Variants in GRM5 observed in about 807,000 individuals in gnomAD.
GRM5 encodes the protein glutamate metabotropic receptor 5.
In GRM5, 19 loss-of-function variants were observed where a neutral mutation model predicts 83.1. The ratio of observed to expected loss-of-function variants is 0.23; its 90% CI spans 0.16 to 0.34. The LOEUF (loss-of-function observed/expected upper bound fraction) is 0.34. Among genes scored for constraint, GRM5 ranks in the 10% least tolerant of loss-of-function variants. The probability of loss-of-function intolerance (pLI) is 1.00; values close to 1 mark genes in which losing one functional copy is unlikely to be tolerated. For synonymous variants in GRM5, 675 were observed against 633.6 expected (o/e 1.07, Z -0.98); for missense variants, 1,160 against 1,588.3 (o/e 0.73, Z 4.58).
In GRM5 at chr11:89,054,625, G is replaced by A. The variant is rs138666783; in HGVS notation, c.-200-6553C>T. 4.9e-3 allele frequency among the ~76,000 whole-genome samples: 753 copies of A among 152,278 alleles called. 2 individuals carry two copies. The highest frequency in any genetic ancestry group is 8.9e-3 in the Non-Finnish European group (603 of 68,026). The stretch of plus-strand genomic sequence containing the variant: ...AGAAAAGAATCTAGTGCCAGAGGTT[G>A]TGCCCCAGGGAATTCCAAGGTTCAA... On this transcript the variant is annotated intron_variant, in intron 1 of 9. Coordinates refer to ENST00000305447, the MANE Select transcript of GRM5 (RefSeq NM_001143831.3).
chr11:89,046,512 G>C (rs1422735374), intron 2 of GRM5, among the ~76,000 whole-genome samples: 4 of 151,878 alleles, frequency 2.6e-5, no homozygotes, highest in Non-Finnish European at 4.4e-5. Context: ...AAAAAACAAA[G>C]GGCTACTTAT....
At chr11:88,618,378 A>G (rs1038809079) in intron 4 of GRM5, among the ~76,000 whole-genome samples, 2 of 152,322 alleles carry the variant, frequency 1.3e-5, no homozygotes, top group African/African-American at 4.8e-5. Context: ...GACTGTTGAT[A>G]CCATCTTTCT....
chr11:88,756,878 C>A (rs1345586316), intron 3 of GRM5, among the ~76,000 whole-genome samples: 3 of 152,086 alleles, frequency 2.0e-5, no homozygotes, highest in African/African-American at 4.8e-5. Context: ...ATGTGAAGAA[C>A]AAATGGCTGA....
intron 5 of GRM5, among the ~76,000 whole-genome samples, chr11:88,600,620 A>C (rs903852905): frequency 6.6e-6 from 1 of 152,194 alleles, no homozygotes; most frequent in African/African-American, 2.4e-5. Flanking sequence ...TTTAAGGTAA[A>C]CTAGAGAAAG....
At chr11:88,970,179 A>C (rs1489400346) in intron 2 of GRM5, among the ~76,000 whole-genome samples, 1 of 152,100 alleles carries the variant, frequency 6.6e-6, no homozygotes, top group Non-Finnish European at 1.5e-5. Context: ...GTGTAACTTG[A>C]ATAAGCTTCT....
intron 2 of GRM5, among the ~76,000 whole-genome samples, chr11:89,004,798 T>G (rs1175809921): frequency 6.6e-6 from 1 of 152,206 alleles, no homozygotes; most frequent in East Asian, 1.9e-4. Flanking sequence ...TTTGATTACA[T>G]GAACTTAAAT....
At chr11:88,777,679 T>TAACA (rs1942885757) in intron 3 of GRM5, among the ~76,000 whole-genome samples, 2 of 152,346 alleles carry the variant, frequency 1.3e-5, no homozygotes, top group South Asian at 4.1e-4. Context: ...GTTTTCCTTC[T>TAACA]AACAGTCAGG....
At chr11:88,580,297 G>A (rs1169793098) in intron 7 of GRM5, among the ~76,000 whole-genome samples, 3 of 152,176 alleles carry the variant, frequency 2.0e-5, no homozygotes, top group Non-Finnish European at 4.4e-5. Context: ...ACATCAAAAT[G>A]TTTATTGTGT....
intron 4 of GRM5, among the ~76,000 whole-genome samples, chr11:88,616,494 G>C (rs1263678017): frequency 6.6e-6 from 1 of 151,030 alleles, no homozygotes; most frequent in Non-Finnish European, 1.5e-5. Flanking sequence ...AGTGGAAAAA[G>C]GGGGAAACAC....
Position 88,510,227 on chromosome 11 carries a change from T to C in GRM5, c.2727-723A>G, listed in dbSNP as rs537056782. Among the ~76,000 whole-genome samples, 45 of 152,360 alleles carry C rather than the reference T, an allele frequency of 3.0e-4. No homozygotes were observed. In the South Asian group the frequency reaches 8.9e-3, roughly 30 times the overall value. On this transcript the variant is annotated intron_variant, in intron 9 of 9. Coordinates refer to ENST00000305447, the MANE Select transcript of GRM5 (RefSeq NM_001143831.3). ...TGTACTTGAATAACAGTTCAATGAG[T>C]GAGAGTGCTGTATAATGCCTTCGGC...
chr11:88,623,025 A>C lies in GRM5; in HGVS notation c.1148-18061T>G, dbSNP rs1938683419. ...AGTGTGGGTAAGAATAGAGCCTAGC[A>C]AGCAACTGCTTGTTAAGTGTTAATT... On this transcript the variant is annotated intron_variant, in intron 4 of 9. Coordinates refer to ENST00000305447, the MANE Select transcript of GRM5 (RefSeq NM_001143831.3). 2.0e-5 allele frequency among the ~76,000 whole-genome samples: 3 copies of C among 152,148 alleles called. No individual in the cohort carries two copies. In the South Asian group the frequency reaches 6.2e-4, roughly 32 times the overall value.
intron 2 of GRM5, among the ~76,000 whole-genome samples, chr11:88,878,438 T>C (rs1260245309): frequency 6.6e-6 from 1 of 152,126 alleles, no homozygotes; most frequent in Non-Finnish European, 1.5e-5. Context: ...TAATTGTCCA[T>C]GCACACTCCT....
At chr11:88,952,656 T>C (rs1285788532) in intron 2 of GRM5, among the ~76,000 whole-genome samples, 3 of 151,882 alleles carry the variant, frequency 2.0e-5, no homozygotes, top group African/African-American at 7.3e-5. Context: ...GGAATGCTAA[T>C]GTGGAAAGTC....
chr11:88,779,275 C>T (rs1212470606), intron 3 of GRM5, among the ~76,000 whole-genome samples: 1 of 152,162 alleles, frequency 6.6e-6, no homozygotes, highest in Non-Finnish European at 1.5e-5. Flanking sequence ...CCTTTCACAG[C>T]TGTTTGGGAT....
intron 8 of GRM5, among the ~76,000 whole-genome samples, chr11:88,534,348 C>A (rs1050449224): frequency 6.6e-6 from 1 of 152,230 alleles, no homozygotes; most frequent in African/African-American, 2.4e-5. Context: ...TCTTCAAAGC[C>A]ACACAGGTGG....
chr11:88,599,414 T>A (rs906223690), intron 5 of GRM5, among the ~76,000 whole-genome samples: 8 of 152,328 alleles, frequency 5.3e-5, no homozygotes, highest in African/African-American at 1.9e-4. Context: ...CACAAAGATA[T>A]TATCACTCAC....
At chr11:88,617,323 G>A (rs560512858) in intron 4 of GRM5, among the ~76,000 whole-genome samples, 1 of 152,278 alleles carries the variant, frequency 6.6e-6, no homozygotes, top group East Asian at 1.9e-4. Flanking sequence ...AGCTAGTTGA[G>A]AACTCTGAAA....
In GRM5 at chr11:88,567,015, TA is replaced by T; in HGVS notation, c.2630+37del. 1 of 1,341,504 alleles carries T rather than the reference TA, an allele frequency of 7.5e-7. No individual in the cohort carries two copies. The highest frequency in any genetic ancestry group is 1.3e-5 in the South Asian group (1 of 74,714). The allele number at this position is 1,341,504 out of a possible 1,614,324, so 83.1% of individuals were successfully genotyped here. On this transcript the variant is annotated intron_variant, in intron 8 of 9. Transcript: ENST00000305447. The surrounding 1 kb of genome is among the most constrained non-coding windows in gnomAD (Gnocchi z 7.3). Reference sequence around the variant, plus strand: ...GAAACACATGCCTCTGCTCCAGTTTTAGGGGCCAGCATCCCTGTAAGCCCCC... The same window carrying T: ...GAAACACATGCCTCTGCTCCAGTTTTGGGGCCAGCATCCCTGTAAGCCCCC...
intron 6 of GRM5, among the ~76,000 whole-genome samples, chr11:88,593,770 C>CTT (rs1467665089): frequency 7.4e-5 from 7 of 93,972 alleles, no homozygotes; most frequent in African/African-American, 1.9e-4. Flanking sequence ...CCTTCTCTCT[C>CTT]TCTCTCTCTC....
Sources: allele counts gnomAD v4.1 joint callset (sites outside exome capture counted in the v4.1 genomes callset), GRCh38; gene constraint gnomAD v4.1.1; non-coding constraint Gnocchi (gnomAD v3.1); transcripts MANE v1.5; gene names NCBI Gene and HGNC (gene_info 2026-07-23, HGNC 2026-07-21).